XRN2: variants seen among roughly 807,000 people sequenced by gnomAD.
XRN2 encodes 5'-3' exoribonuclease 2.
A neutral mutation model predicts 138.5 loss-of-function variants in XRN2; 44 were observed. The observed-to-expected ratio is 0.32, with a 90% CI of 0.25 to 0.41. XRN2 has a LOEUF of 0.41. Ranked by LOEUF, XRN2 falls within the 10% of genes least tolerant of loss-of-function variation. The probability of loss-of-function intolerance (pLI) is 1.00; values close to 1 mark genes in which losing one functional copy is unlikely to be tolerated. For missense variants in XRN2, 937 were observed against 1,169.3 expected (o/e 0.80, Z 2.90); for synonymous variants, 354 against 369.4 (o/e 0.96, Z 0.48).
intron 24 of XRN2, among the ~76,000 whole-genome samples, chr20:21,362,045 T>C (rs1422152574): frequency 6.6e-6 from 1 of 152,194 alleles, no homozygotes; most frequent in African/African-American, 2.4e-5. Context: ...AACTTATTTT[T>C]AGATACTCCT....
chr20:21,321,529 A>G (rs1197964229), intron 1 of XRN2, among the ~76,000 whole-genome samples: 1 of 151,922 alleles, frequency 6.6e-6, no homozygotes, highest in East Asian at 1.9e-4. Context: ...TATGTTCCCC[A>G]GGCTGGCCTT....
chr20:21,318,217 A>G (rs2037986634), intron 1 of XRN2, among the ~76,000 whole-genome samples: 1 of 152,162 alleles, frequency 6.6e-6, no homozygotes, highest in Non-Finnish European at 1.5e-5. Flanking sequence ...ATGACTATTC[A>G]TGGTATTTCT....
In XRN2 at chr20:21,333,686, A is replaced by G; in HGVS notation, c.934-18A>G. Reference sequence around the variant, plus strand: ...TGCCTTTGATAGCTGTAATGGCAGCATTCCTTTTTGGTTGTAGTATTTGGA... The same window carrying G: ...TGCCTTTGATAGCTGTAATGGCAGCGTTCCTTTTTGGTTGTAGTATTTGGA... On this transcript the variant is annotated intron_variant, in intron 10 of 29. Transcript: ENST00000377191. 6.2e-7 allele frequency: 1 copy of G among 1,614,088 alleles called. No individual in the cohort carries two copies. Among genetic ancestry groups the G allele is most frequent in the Non-Finnish European group, 8.5e-7 (1 of 1,179,986 alleles).
At chr20:21,337,084 C>G (rs2122225525) in intron 13 of XRN2, among the ~76,000 whole-genome samples, 1 of 152,280 alleles carries the variant, frequency 6.6e-6, no homozygotes, top group South Asian at 2.1e-4. Context: ...CCCAACAGGT[C>G]ATCATAGGAC....
chr20:21,325,480 A>T (rs1363568872), intron 1 of XRN2, among the ~76,000 whole-genome samples: 1 of 152,216 alleles, frequency 6.6e-6, no homozygotes, highest in East Asian at 1.9e-4. Context: ...ATTTCTTGGG[A>T]GATATGTACA....
intron 14 of XRN2, among the ~76,000 whole-genome samples, chr20:21,339,675 ACAT>A (rs1257715540): frequency 6.6e-6 from 1 of 152,220 alleles, no homozygotes; most frequent in African/African-American, 2.4e-5. Context: ...CAGCTCACTG[ACAT>A]CATACCTTTT....
chr20:21,359,555 C>A (rs1358659061), intron 24 of XRN2, among the ~76,000 whole-genome samples: 1 of 151,830 alleles, frequency 6.6e-6, no homozygotes, highest in African/African-American at 2.4e-5. Flanking sequence ...AAACAAATCC[C>A]AGATCTAAAT....
rs2122318590 is a variant in XRN2 at position 21,368,522 on chromosome 20, T to C, written c.2516T>C (p.Val839Ala). 6.2e-7 allele frequency: 1 copy of C among 1,614,096 alleles called. No homozygotes were observed. The highest frequency in any genetic ancestry group is 8.5e-7 in the Non-Finnish European group (1 of 1,179,962). Residue 839 changes from valine to alanine, a missense_variant, in exon 27 of 30, where the codon GTG becomes GCG. Physicochemically the swap from Val to Ala is moderately conservative, Grantham distance 64 (BLOSUM62 0). This residue lies in a region of XRN2 where 372 missense variants were observed against 414.4 expected (regional missense o/e 0.90). Transcript: ENST00000377191. ...TACAGCAATGCTGCACCACCACCTGTGACTTACCAGGGAAACTTATACAGG... is the reference window on the plus strand; with the variant it reads ...TACAGCAATGCTGCACCACCACCTGCGACTTACCAGGGAAACTTATACAGG... ...GIYSNAAPPPVTYQGNLYRPL... is the reference protein window; with the variant it reads ...GIYSNAAPPPATYQGNLYRPL...
At chr20:21,356,929 G>A (rs200910574) in intron 23 of XRN2, among the ~76,000 whole-genome samples, 2 of 152,090 alleles carry the variant, frequency 1.3e-5, no homozygotes, top group African/African-American at 2.4e-5. Context: ...AAGATGTTAC[G>A]GTGTTACTTG....
At chr20:21,340,921 G>A in intron 15 of XRN2, 69 bp downstream of exon 15, 1 of 1,562,840 alleles carries the variant, frequency 6.4e-7, no homozygotes. Flanking sequence ...GGGGTGGTGT[G>A]TGTGTGAAAT....
chr20:21,347,400 A>G (rs1398474573), intron 17 of XRN2, among the ~76,000 whole-genome samples: 2 of 152,226 alleles, frequency 1.3e-5, no homozygotes, highest in Admixed American at 6.5e-5. Context: ...GATAGTTAAT[A>G]TCTGGTTTCG....
intron 23 of XRN2, among the ~76,000 whole-genome samples, chr20:21,357,470 G>A: frequency 6.6e-6 from 1 of 152,132 alleles, no homozygotes; most frequent in Non-Finnish European, 1.5e-5. Context: ...TGTCAGTCTG[G>A]TGGATGCTCA....
At chr20:21,358,743 G>T (rs2038603652) in intron 24 of XRN2, among the ~76,000 whole-genome samples, 2 of 152,122 alleles carry the variant, frequency 1.3e-5, no homozygotes, top group South Asian at 4.1e-4. Context: ...TGGATGAGTT[G>T]CTTACGTTTA....
At chr20:21,355,453 C>T (rs963062327) in intron 21 of XRN2, among the ~76,000 whole-genome samples, 1 of 152,102 alleles carries the variant, frequency 6.6e-6, no homozygotes, top group African/African-American at 2.4e-5. Context: ...AAAAGATTGT[C>T]TTTTAGAACA....
chr20:21,344,511 A>G (rs74758989), intron 16 of XRN2, among the ~76,000 whole-genome samples: 72 of 152,250 alleles, frequency 4.7e-4, no homozygotes, highest in Admixed American at 8.5e-4. Context: ...AGCTCTGACT[A>G]TGTGATCTGA....
In XRN2 at chr20:21,384,761, G is replaced by A. The variant is rs571134317; in HGVS notation, c.2649-2107G>A. Among the ~76,000 whole-genome samples, 38 of 152,272 alleles carry A rather than the reference G, an allele frequency of 2.5e-4. No individual in the cohort carries two copies. The South Asian group carries it at 6.2e-3, about 25-fold the overall frequency. ...GCCTGCCTCGGCCTCCTGGAGTGCC[G>A]GGATTACAGGCTGAGTTACTGTGCC... On this transcript the variant is annotated intron_variant, in intron 28 of 29. Transcript: ENST00000377191.
chr20:21,328,703 T>C (rs759223366), intron 4 of XRN2, 33 bp downstream of exon 4: 106 of 1,595,790 alleles, frequency 6.6e-5, no homozygotes, highest in Non-Finnish European at 9.1e-5. Flanking sequence ...TTGGATTTTT[T>C]CATAAGATGT....
In XRN2 at chr20:21,323,634, A is replaced by G. The variant is rs543006341; in HGVS notation, c.76-2645A>G. ...GTACTCTTGAGGGGAAAATATATTC[A>G]GTTTTCTTACTGGGAATACCTGGAG... is the stretch of plus-strand genomic sequence containing the variant. On this transcript the variant is annotated intron_variant, in intron 1 of 29. Transcript: ENST00000377191. Among the ~76,000 whole-genome samples the G allele has an allele frequency of 2.6e-5, 4 of 152,306 alleles. No individual in the cohort carries two copies. In the South Asian group the frequency reaches 8.3e-4, roughly 32 times the overall value.
intron 28 of XRN2, among the ~76,000 whole-genome samples, chr20:21,383,466 T>C (rs977012546): frequency 2.0e-5 from 3 of 152,226 alleles, no homozygotes; most frequent in African/African-American, 7.2e-5. Context: ...TAGATGCTGT[T>C]ATGTTTACAT....
Sources: gnomAD v4.1 joint callset for allele counts (sites outside exome capture counted in the v4.1 genomes callset) on GRCh38, gnomAD v4.1.1 for gene constraint, gnomAD v4.1.1 regional missense constraint, MANE v1.5 for transcripts, NCBI Gene and HGNC (gene_info 2026-07-23, HGNC 2026-07-21) for gene names.